The following ZNF205 variants were observed in gnomAD, a reference collection of about 807,000 sequenced individuals.
ZNF205 encodes zinc finger protein 205.
A neutral mutation model predicts 53.6 loss-of-function variants in ZNF205; 32 were observed. The observed-to-expected ratio is 0.60, with a 90% confidence interval of 0.45 to 0.80. ZNF205 has a LOEUF of 0.80. Among genes scored for constraint, ZNF205 ranks in the 30% least tolerant of loss-of-function variants. The pLI is 0.00. For synonymous variants in ZNF205, 382 were observed against 334.3 expected, an observed-to-expected ratio of 1.14 and a Z score of -1.56; for missense variants, 836 against 782.4, an observed-to-expected ratio of 1.07 and a Z score of -0.82.
intron 5 of ZNF205, among the ~76,000 whole-genome samples, chr16:3,118,258 G>A (rs1007711194): frequency 3.9e-5 from 6 of 151,954 alleles, no homozygotes; most frequent in Admixed American, 1.3e-4. Context: ...TGGCACCAGG[G>A]ATGGTCACCC....
At chr16:3,115,050 C>T (rs224177) in intron 2 of ZNF205, 97,181 of 248,530 alleles carry the variant, frequency 0.39, 19,643 homozygotes, top group East Asian at 0.47. Context: ...CTATTCAAGC[C>T]ACTACACTTG....
chr16:3,114,279 C>T (rs125772), intron 2 of ZNF205, among the ~76,000 whole-genome samples: 58,821 of 151,834 alleles, frequency 0.39, 11,782 homozygotes, highest in East Asian at 0.5. Context: ...TAATGACCAG[C>T]GCCACCCTGT....
In ZNF205 at chr16:3,115,940, C is replaced by T. The variant is rs1025079726; in HGVS notation, c.363+20C>T. The T allele has an allele frequency of 1.2e-6, 2 of 1,607,232 alleles. No individual in the cohort carries two copies. Among genetic ancestry groups the T allele is most frequent in the Non-Finnish European group, 1.7e-6 (2 of 1,176,490 alleles). ...TCCCAGGTGAGTGGCCCTTCCCCGG[C>T]CCCTGCATGGTACTCAGCCCTTCCT... is the stretch of plus-strand genomic sequence containing the variant. On this transcript the variant is annotated intron_variant, in intron 4 of 6. Transcript: ENST00000219091.
chr16:3,120,145 G>C lies in ZNF205; in HGVS notation c.1485G>C (p.Gln495His). The C allele has an allele frequency of 6.2e-7, 1 of 1,613,226 alleles. No homozygotes were observed. The highest frequency in any genetic ancestry group is 2.2e-5 in the East Asian group (1 of 44,874). ...FSHSSHLTAH[Q>H]RTHRGVRPYA... ...ACAGCTCGCACCTCACCGCGCACCA[G>C]CGCACCCACCGTGGCGTGCGGCCCT... The change falls in exon 7 of 7, where the codon CAG becomes CAC. Residue 495 changes from glutamine to histidine, a missense_variant. Transcript: ENST00000219091.
rs745682325 is a variant in ZNF205 at position 3,115,718 on chromosome 16, C to G, written c.272-111C>G. ...CCACAGCCCCCTGGCAGCGTCAGAG[C>G]CATCCGACCCTGTCCTTGGGTCGGG... On this transcript the variant is annotated intron_variant, in intron 3 of 6. Coordinates refer to ENST00000219091, the MANE Select transcript of ZNF205 (RefSeq NM_001042428.2). 157 of 1,385,470 alleles carry G rather than the reference C, an allele frequency of 1.1e-4. 1 individual carries two copies. Among genetic ancestry groups the G allele is most frequent in the Middle Eastern group, 2.0e-4 (1 of 5,044 alleles). 85.8% of individuals were successfully genotyped at this position (1,385,470 alleles called of 1,614,324 possible).
chr16:3,120,208 C>G lies in ZNF205; in HGVS notation c.1548C>G (p.Arg516=). ...CPLCGKSFSR[R]SNLHRHEKIH... ...TGTGCGGCAAGAGCTTCAGCCGGCG[C>G]TCCAACCTGCACCGGCACGAGAAGA... Residue 516 remains arginine (R), a synonymous_variant, in exon 7 of 7, where the codon CGC becomes CGG. Transcript: ENST00000219091. 6.2e-7 allele frequency: 1 copy of G among 1,611,636 alleles called. No individual in the cohort carries two copies. Among genetic ancestry groups the G allele is most frequent in the East Asian group, 2.2e-5 (1 of 44,862 alleles).
rs1957395371 is a variant in ZNF205, at chr16:3,119,668, C to T, written c.1008C>T (p.Tyr336=). The T allele has an allele frequency of 1.2e-6, 2 of 1,613,284 alleles. No homozygotes were observed. Among genetic ancestry groups the T allele is most frequent in the Non-Finnish European group, 8.5e-7 (1 of 1,179,806 alleles). The change falls in exon 7 of 7, where the codon TAC becomes TAT. Residue 336 remains tyrosine (Y), a synonymous_variant. Coordinates refer to ENST00000219091, the MANE Select transcript of ZNF205 (RefSeq NM_001042428.2). The part of the protein sequence containing the change: ...HRRTHTGEKP[Y]ACTDCGKRFG... ...GCACGCACACGGGCGAGAAGCCCTA[C>T]GCCTGCACTGACTGCGGGAAGCGCT...
Position 3,119,938 on chromosome 16 carries a change from C to G in ZNF205, c.1278C>G (p.Ala426=). 6.2e-7 allele frequency: 1 copy of G among 1,613,672 alleles called. No individual in the cohort carries two copies. The highest frequency in any genetic ancestry group is 8.5e-7 in the Non-Finnish European group (1 of 1,179,940). ...AGCCGCACAAGTGCCCCATCTGCGC[C>G]AAGTGCTTCACGCAGAGCTCGGCGC... ...GAKPHKCPIC[A]KCFTQSSALV... Residue 426 remains alanine, a synonymous_variant, in exon 7 of 7, where the codon GCC becomes GCG. Coordinates refer to ENST00000219091, the MANE Select transcript of ZNF205 (RefSeq NM_001042428.2).
Sources: allele counts gnomAD v4.1 joint callset (sites outside exome capture counted in the v4.1 genomes callset), GRCh38; gene constraint gnomAD v4.1.1; transcripts MANE v1.5; gene names NCBI Gene and HGNC (gene_info 2026-07-23, HGNC 2026-07-21).